SAMD12: variants seen among roughly 807,000 people sequenced by gnomAD.
SAMD12 encodes sterile alpha motif domain-containing protein 12.
Under a neutral mutation model 15.0 loss-of-function variants are expected in SAMD12, and 9 were observed. That is an observed-to-expected ratio of 0.60 (90% confidence interval 0.36 to 1.05). The LOEUF is 1.05. SAMD12 is among the 50% of genes least tolerant of loss of function. The pLI, the probability that SAMD12 is intolerant of heterozygous loss-of-function variation, is 0.01. For synonymous variants in SAMD12, 86 were observed against 90.1 expected, an observed-to-expected ratio of 0.96 and a Z score of 0.25; for missense variants, 230 against 234.2, an observed-to-expected ratio of 0.98 and a Z score of 0.12.
chr8:118,589,953 T>A (rs984507586), intron 1 of SAMD12, among the ~76,000 whole-genome samples: 5 of 152,128 alleles, frequency 3.3e-5, no homozygotes, highest in Admixed American at 3.3e-4. Flanking sequence ...GGACATTATA[T>A]ATGAGACAAA....
At chr8:118,551,631 G>A (rs1038369466) in intron 2 of SAMD12, among the ~76,000 whole-genome samples, 4 of 151,504 alleles carry the variant, frequency 2.6e-5, no homozygotes, top group Non-Finnish European at 5.9e-5. Context: ...AAAAGCAAGA[G>A]CAAACACATT....
intron 1 of SAMD12, among the ~76,000 whole-genome samples, chr8:118,606,264 C>A (rs1411589985): frequency 1.3e-5 from 2 of 152,104 alleles, no homozygotes; most frequent in Non-Finnish European, 2.9e-5. Context: ...TGTGCCATCC[C>A]TTCCAATCAT....
In SAMD12 at chr8:118,621,826, G is replaced by T; in HGVS notation, c.-10C>A. The T allele has an allele frequency of 6.2e-7, 1 of 1,614,044 alleles. No homozygotes were observed. The highest frequency in any genetic ancestry group is 1.7e-5 in the Admixed American group (1 of 60,016). On this transcript the variant is annotated 5_prime_UTR_variant, in exon 1 of 4. Transcript: ENST00000314727. ...TACCTTCCACAGCCATTCTCTCAGA[G>T]CTTCCCTAACGCATGCATAATTTTC...
At chr8:118,189,966 A>G (rs961652353) in exon 5 of SAMD12, 44 of 151,470 alleles carry the variant, frequency 2.9e-4, no homozygotes, top group African/African-American at 8.9e-4. Flanking sequence ...AAAAAAAAAA[A>G]AAAGAAAGAA....
At chr8:118,459,702 A>T (rs1823359433) in intron 2 of SAMD12, among the ~76,000 whole-genome samples, 1 of 152,238 alleles carries the variant, frequency 6.6e-6, no homozygotes, top group Non-Finnish European at 1.5e-5. Flanking sequence ...AAGAAAACTT[A>T]AAAATGATGA....
At chr8:118,474,053 G>A (rs1374149483) in intron 2 of SAMD12, among the ~76,000 whole-genome samples, 1 of 152,106 alleles carries the variant, frequency 6.6e-6, no homozygotes, top group African/African-American at 2.4e-5. Context: ...CTGCCTCCTG[G>A]GTTCAAGTGA....
intron 4 of SAMD12, among the ~76,000 whole-genome samples, chr8:118,312,725 G>A (rs72675866): frequency 0.047 from 7,183 of 152,158 alleles, 304 homozygotes; most frequent in Non-Finnish European, 0.066. Context: ...TTTGGATAAT[G>A]ATTTTATCTA....
chr8:118,490,448 G>A (rs1824411358), intron 2 of SAMD12, among the ~76,000 whole-genome samples: 2 of 152,152 alleles, frequency 1.3e-5, no homozygotes, highest in Non-Finnish European at 1.5e-5. Context: ...GCAAAATATG[G>A]AAATGTGAAT....
At chr8:118,194,820 A>C (rs751643440) in exon 5 of SAMD12, 1 of 152,198 alleles carries the variant, frequency 6.6e-6, no homozygotes, top group Non-Finnish European at 1.5e-5. Flanking sequence ...ACCACATAAT[A>C]AAGAAGCCAA....
intron 4 of SAMD12, among the ~76,000 whole-genome samples, chr8:118,280,471 C>G (rs986034088): frequency 5.3e-5 from 8 of 152,060 alleles, no homozygotes; most frequent in African/African-American, 1.9e-4. Context: ...TCCAGGGAGA[C>G]TCTGTATTAA....
intron 2 of SAMD12, among the ~76,000 whole-genome samples, chr8:118,518,563 C>T (rs1403767559): frequency 6.6e-6 from 1 of 152,132 alleles, no homozygotes; most frequent in East Asian, 1.9e-4. Context: ...ACAGTGCCTG[C>T]TTAATACTTT....
intron 1 of SAMD12, among the ~76,000 whole-genome samples, chr8:118,617,865 C>T (rs1010971440): frequency 6.6e-6 from 1 of 152,110 alleles, no homozygotes; most frequent in Non-Finnish European, 1.5e-5. Context: ...TTTCTTCTCC[C>T]TGAATAATAT....
At chr8:118,186,879 G>C (rs1302526037), downstream of SAMD12, among the ~76,000 whole-genome samples, 1 of 152,012 alleles carries the variant, frequency 6.6e-6, no homozygotes, top group Non-Finnish European at 1.5e-5. Context: ...GATAATGAGG[G>C]TAGCATAGAT....
At chr8:118,335,404 C>A (rs1817008987) in intron 4 of SAMD12, among the ~76,000 whole-genome samples, 1 of 152,192 alleles carries the variant, frequency 6.6e-6, no homozygotes, top group South Asian at 2.1e-4. Context: ...ATTGTCTTCC[C>A]TCACTATTTA....
intron 4 of SAMD12, among the ~76,000 whole-genome samples, chr8:118,205,150 T>A (rs1245674670): frequency 6.6e-6 from 1 of 152,206 alleles, no homozygotes; most frequent in East Asian, 1.9e-4. Context: ...GACTGCCATC[T>A]CCTGCCTTTG....
intron 2 of SAMD12, among the ~76,000 whole-genome samples, chr8:118,528,525 C>A (rs187758665): frequency 1.3e-5 from 2 of 152,278 alleles, no homozygotes; most frequent in Admixed American, 6.5e-5. Flanking sequence ...GTTATGCAAA[C>A]TTTCTTTTTC....
chr8:118,210,697 G>A (rs1819997226), intron 4 of SAMD12, among the ~76,000 whole-genome samples: 1 of 152,138 alleles, frequency 6.6e-6, no homozygotes, highest in Non-Finnish European at 1.5e-5. Flanking sequence ...CACAGAAATG[G>A]ATTAAATTTG....
At chr8:118,319,445 A>G (rs1010746549) in intron 4 of SAMD12, among the ~76,000 whole-genome samples, 1 of 152,178 alleles carries the variant, frequency 6.6e-6, no homozygotes, top group African/African-American at 2.4e-5. Flanking sequence ...GTTTTTCAAC[A>G]TGCTCCACTC....
intron 3 of SAMD12, among the ~76,000 whole-genome samples, chr8:118,414,735 G>A (rs1821596666): frequency 6.6e-6 from 1 of 152,078 alleles, no homozygotes; most frequent in Non-Finnish European, 1.5e-5. Flanking sequence ...TATGAGATAG[G>A]TTTGAATAAC....
Sources: allele counts gnomAD v4.1 joint callset (sites outside exome capture counted in the v4.1 genomes callset), GRCh38; gene constraint gnomAD v4.1.1; transcripts MANE v1.5; gene names NCBI Gene and HGNC (gene_info 2026-07-23, HGNC 2026-07-21).